The following CREBBP variants were observed in gnomAD, a reference collection of about 807,000 sequenced individuals.
The protein encoded by CREBBP is CREB-binding protein.
Under a neutral mutation model 265.0 loss-of-function variants are expected in CREBBP, and 19 were observed. That is an observed-to-expected ratio of 0.07 (90% CI 0.05 to 0.11). CREBBP has a LOEUF of 0.11. CREBBP is among the 10% of genes least tolerant of loss of function. CREBBP has a pLI of 1.00. For missense variants in CREBBP, 2,525 were observed against 3,219.0 expected (o/e 0.78, Z 5.22); for synonymous variants, 1,457 against 1,223.7 (o/e 1.19, Z -3.98).
intron 1 of CREBBP, among the ~76,000 whole-genome samples, chr16:3,856,385 G>A (rs369573525): frequency 1.3e-5 from 2 of 152,298 alleles, no homozygotes; most frequent in South Asian, 2.1e-4. Context: ...GAAGTTGCAG[G>A]CTCAATGCAG....
At chr16:3,789,283 C>T (rs1474248259) in intron 5 of CREBBP, among the ~76,000 whole-genome samples, 1 of 152,190 alleles carries the variant, frequency 6.6e-6, no homozygotes, top group African/African-American at 2.4e-5. Flanking sequence ...TTCTGTTCAC[C>T]TCGTTTGCAC....
chr16:3,856,379 T>C (rs1291624558), intron 1 of CREBBP, among the ~76,000 whole-genome samples: 1 of 152,214 alleles, frequency 6.6e-6, no homozygotes, highest in African/African-American at 2.4e-5. Flanking sequence ...TGCAGTGAAG[T>C]TGCAGGCTCA....
At chr16:3,870,432 T>A (rs964991852) in intron 1 of CREBBP, among the ~76,000 whole-genome samples, 10 of 152,240 alleles carry the variant, frequency 6.6e-5, no homozygotes, top group African/African-American at 2.2e-4. Context: ...TACTTTTCCC[T>A]TTTCTCTAAG....
rs1173233143 is a variant in CREBBP at position 3,726,879 on chromosome 16, A to G, written c.*839T>C. 4.3e-6 allele frequency: 1 copy of G among 233,526 alleles called. No homozygotes were observed. Among genetic ancestry groups the G allele is most frequent in the Non-Finnish European group, 8.5e-6 (1 of 118,030 alleles). 14.5% of individuals were successfully genotyped at this position (233,526 alleles called of 1,614,324 possible). ...ATAAGAAATGAGTTGGTATTTTACC[A>G]TTCTATACAGTGATTGAATCTTCTC... On this transcript the variant is annotated 3_prime_UTR_variant, in exon 31 of 31. Coordinates refer to ENST00000262367, the MANE Select transcript of CREBBP (RefSeq NM_004380.3).
At chr16:3,736,909 G>C (rs1414467650) in intron 26 of CREBBP, 94 bp from the exon 27 acceptor site, 13 of 1,454,684 alleles carry the variant, frequency 8.9e-6, no homozygotes, top group Admixed American at 1.7e-5. Context: ...ACTAAAGCCA[G>C]GACAGAAGTA....
At chr16:3,864,292 C>T (rs1028778188) in intron 1 of CREBBP, among the ~76,000 whole-genome samples, 3 of 152,144 alleles carry the variant, frequency 2.0e-5, no homozygotes, top group Non-Finnish European at 2.9e-5. Flanking sequence ...ATGTACAACG[C>T]GTGGAGGCGT....
rs77313528 is a variant in CREBBP, at chr16:3,730,052, G to A, written c.5173-178C>T. Reference sequence around the variant, plus strand: ...GGAGACCCGGACAGGGCGGGAGCACGGACAAGATGGGATCATGGACGGGAT... The same window carrying A: ...GGAGACCCGGACAGGGCGGGAGCACAGACAAGATGGGATCATGGACGGGAT... On this transcript the variant is annotated intron_variant, in intron 30 of 30. Coordinates refer to ENST00000262367, the MANE Select transcript of CREBBP (RefSeq NM_004380.3). 7.9e-3 allele frequency among the ~76,000 whole-genome samples: 1,195 copies of A among 152,218 alleles called. 22 individuals are homozygous for A. The highest frequency in any genetic ancestry group is 0.053 in the South Asian group (258 of 4,826).
In CREBBP at chr16:3,800,149, C is replaced by T. The variant is rs1381006489; in HGVS notation, c.976-6523G>A. Among the ~76,000 whole-genome samples the T allele has an allele frequency of 2.6e-5, 4 of 152,298 alleles. No individual in the cohort carries two copies. The South Asian group carries it at 6.2e-4, about 24-fold the overall frequency. On this transcript the variant is annotated intron_variant, in intron 3 of 30. Coordinates refer to ENST00000262367, the MANE Select transcript of CREBBP (RefSeq NM_004380.3). ...TTCTTTTTATTTTTGGAGACAGGGT[C>T]TCACTGCTACCCAGGCTGAAGTGAA... is the stretch of plus-strand genomic sequence containing the variant.
At position 3,731,797 on chromosome 16, in the gene CREBBP, G is replaced by A. The variant is rs2151318840; in HGVS notation, c.4869C>T (p.Ala1623=). The A allele has an allele frequency of 6.2e-7, 1 of 1,614,254 alleles. No homozygotes were observed. The highest frequency in any genetic ancestry group is 8.5e-7 in the Non-Finnish European group (1 of 1,180,054). The change falls in exon 29 of 31, where the codon GCC becomes GCT. Residue 1623 remains alanine (A), a synonymous_variant. Coordinates refer to ENST00000262367, the MANE Select transcript of CREBBP (RefSeq NM_004380.3). The surrounding 1 kb of genome is among the most constrained non-coding windows in gnomAD (Gnocchi z 7.7). ...CTACCTCCTTGTGCTTCTCCATGGT[G>A]GCATACAGCTTCTGGGACAGGTCAT... The part of the protein sequence containing the change: ...VSNDLSQKLY[A]TMEKHKEVFF...
Position 3,736,103 on chromosome 16 carries a change from T to C in CREBBP, c.4661A>G (p.Lys1554Arg). 6.2e-7 allele frequency: 1 copy of C among 1,614,258 alleles called. No individual in the cohort carries two copies. The highest frequency in any genetic ancestry group is 8.5e-7 in the Non-Finnish European group (1 of 1,180,040). ...CTCCTCTTCTTCTTGTTCTAGTTCC[T>C]TAATGCTCTCTTCTAACACATTGGG... ...FWPNVLEESI[K>R]ELEQEEEERK... The change falls in exon 28 of 31, where the codon AAG becomes AGG. Residue 1554 changes from lysine to arginine, a missense_variant. Transcript: ENST00000262367.
chr16:3,833,620 G>C (rs1246559792), intron 2 of CREBBP, among the ~76,000 whole-genome samples: 1 of 152,126 alleles, frequency 6.6e-6, no homozygotes, highest in African/African-American at 2.4e-5. Context: ...CATTAATACA[G>C]AAACATTTAT....
chr16:3,876,466 G>A (rs2055406106), intron 1 of CREBBP, among the ~76,000 whole-genome samples: 1 of 146,236 alleles, frequency 6.8e-6, no homozygotes, highest in Admixed American at 6.9e-5. Flanking sequence ...CTGCTTGCCT[G>A]GATATTTGTC....
At chr16:3,801,922 C>G (rs1366043287) in intron 3 of CREBBP, among the ~76,000 whole-genome samples, 1 of 151,946 alleles carries the variant, frequency 6.6e-6, no homozygotes, top group Non-Finnish European at 1.5e-5. Context: ...CTATTTTGAG[C>G]CACTGAGTAA....
chr16:3,757,692 G>C, intron 18 of CREBBP, 117 bp downstream of exon 18: 6 of 1,420,664 alleles, frequency 4.2e-6, no homozygotes, highest in Non-Finnish European at 5.8e-6. Context: ...TGTGTCACCA[G>C]ACAGCAGATT....
chr16:3,753,365 T>C (rs567817154), intron 19 of CREBBP, among the ~76,000 whole-genome samples: 1 of 152,322 alleles, frequency 6.6e-6, no homozygotes, highest in East Asian at 1.9e-4. Flanking sequence ...AGCATACAAC[T>C]TCAGTGCATG....
intron 2 of CREBBP, among the ~76,000 whole-genome samples, chr16:3,832,860 T>C (rs2054370220): frequency 6.6e-6 from 1 of 151,934 alleles, no homozygotes; most frequent in South Asian, 2.1e-4. Context: ...GCAAGGCTGG[T>C]TCAACACTCA....
Position 3,795,455 on chromosome 16 carries a change from CAT to C in CREBBP, c.976-1831_976-1830del, listed in dbSNP as rs549064357. Among the ~76,000 whole-genome samples the C allele has an allele frequency of 3.8e-4, 58 of 152,170 alleles. No homozygotes were observed. In the South Asian group the frequency reaches 8.9e-3, roughly 23 times the overall value. On this transcript the variant is annotated intron_variant, in intron 3 of 30. Coordinates refer to ENST00000262367, the MANE Select transcript of CREBBP (RefSeq NM_004380.3). ...AGCCTCGTATCTCCCCTGCAACACACATGTTTTGCTTAGTGTTTTTTCCATGT... is the reference window on the plus strand; with the variant it reads ...AGCCTCGTATCTCCCCTGCAACACACGTTTTGCTTAGTGTTTTTTCCATGT...
chr16:3,872,596 G>C (rs1009233777), intron 1 of CREBBP, among the ~76,000 whole-genome samples: 8 of 152,204 alleles, frequency 5.3e-5, no homozygotes, highest in Non-Finnish European at 1.5e-5. Context: ...TATCCGGAGG[G>C]ATGCACTGCA....
chr16:3,815,312 G>C (rs2054016210), intron 2 of CREBBP, among the ~76,000 whole-genome samples: 1 of 152,122 alleles, frequency 6.6e-6, no homozygotes, highest in South Asian at 2.1e-4. Context: ...GGCTAAGGCA[G>C]GCGGATCACT....
Sources: allele counts gnomAD v4.1 joint callset (sites outside exome capture counted in the v4.1 genomes callset), GRCh38; gene constraint gnomAD v4.1.1; non-coding constraint Gnocchi (gnomAD v3.1); transcripts MANE v1.5; gene names NCBI Gene and HGNC (gene_info 2026-07-23, HGNC 2026-07-21).